Variants in COL24A1 observed in about 807,000 individuals in gnomAD.
COL24A1 encodes the protein collagen alpha-1(XXIV) chain.
COL24A1 carries 224 observed loss-of-function variants against 253.9 expected under a neutral mutation model. The ratio of observed to expected loss-of-function variants is 0.88; its 90% confidence interval spans 0.79 to 0.99. The LOEUF is 0.99. Ranked by LOEUF, COL24A1 falls within the 50% of genes least tolerant of loss-of-function variation. COL24A1 has a pLI of 0.00. For missense variants in COL24A1, 2,131 were observed against 2,068.5 expected (o/e 1.03, Z -0.59); for synonymous variants, 685 against 673.7 (o/e 1.02, Z -0.26).
At chr1:85,892,274 C>A (rs918177514) in intron 31 of COL24A1, among the ~76,000 whole-genome samples, 2 of 151,834 alleles carry the variant, frequency 1.3e-5, no homozygotes, top group African/African-American at 2.4e-5. Context: ...ATCAGAAATA[C>A]CAGCGGCCAA....
Position 85,735,505 on chromosome 1 carries a change from T to C in COL24A1, c.4783-541A>G, listed in dbSNP as rs917182216. Reference sequence around the variant, plus strand: ...TGTAACAATAATTTGGTTGAGTAATTTTAACTTTGAGAGCCTTAACGGACT... The same window carrying C: ...TGTAACAATAATTTGGTTGAGTAATCTTAACTTTGAGAGCCTTAACGGACT... On this transcript the variant is annotated intron_variant, in intron 58 of 59. Coordinates refer to ENST00000370571, the MANE Select transcript of COL24A1 (RefSeq NM_152890.7). 2.6e-5 allele frequency among the ~76,000 whole-genome samples: 4 copies of C among 152,180 alleles called. No homozygotes were observed. In the East Asian group the frequency reaches 7.7e-4, roughly 29 times the overall value.
chr1:86,043,614 G>A (rs144247103), intron 12 of COL24A1, among the ~76,000 whole-genome samples: 289 of 151,884 alleles, frequency 1.9e-3, no homozygotes, highest in African/African-American at 6.6e-3. Context: ...TGCAACCTCC[G>A]CCTCTTGGAT....
intron 32 of COL24A1, among the ~76,000 whole-genome samples, chr1:85,887,037 A>T (rs1025989606): frequency 1.3e-5 from 2 of 152,178 alleles, no homozygotes; most frequent in African/African-American, 4.8e-5. Flanking sequence ...AGTTAACTTG[A>T]GAATCCTGTT....
chr1:85,850,159 G>A (rs1462390899), intron 37 of COL24A1, among the ~76,000 whole-genome samples: 2 of 152,010 alleles, frequency 1.3e-5, no homozygotes, highest in Non-Finnish European at 2.9e-5. Flanking sequence ...TAAAAGTGGG[G>A]CACTATATGA....
chr1:85,807,604 G>T (rs1672114206), intron 47 of COL24A1, among the ~76,000 whole-genome samples: 1 of 152,112 alleles, frequency 6.6e-6, no homozygotes, highest in Non-Finnish European at 1.5e-5. Context: ...AAAATTGTAG[G>T]TCTTATAGAT....
intron 27 of COL24A1, 137 bp downstream of exon 27, chr1:85,908,461 A>C (rs1213743634): frequency 1.6e-5 from 8 of 495,426 alleles, no homozygotes; most frequent in African/African-American, 1.4e-4. Flanking sequence ...TGTTTTGTAT[A>C]GTTGGGAGAG....
intron 53 of COL24A1, among the ~76,000 whole-genome samples, chr1:85,770,623 T>G (rs1340408495): frequency 6.6e-6 from 1 of 152,202 alleles, no homozygotes. Flanking sequence ...CTTTTTACTA[T>G]CTATATGTAT....
At chr1:85,768,256 C>T (rs1301381624) in intron 53 of COL24A1, among the ~76,000 whole-genome samples, 1 of 152,048 alleles carries the variant, frequency 6.6e-6, no homozygotes, top group Non-Finnish European at 1.5e-5. Flanking sequence ...GGGGCCAGTT[C>T]ATGTAGGGCC....
At chr1:86,105,638 G>A (rs760456698) in intron 5 of COL24A1, among the ~76,000 whole-genome samples, 2 of 130,204 alleles carry the variant, frequency 1.5e-5, no homozygotes, top group African/African-American at 2.6e-5. Flanking sequence ...AGCCTAGGGG[G>A]ATTGGCATTC....
intron 55 of COL24A1, among the ~76,000 whole-genome samples, chr1:85,746,552 C>T (rs1358341015): frequency 1.3e-5 from 2 of 152,098 alleles, no homozygotes; most frequent in African/African-American, 2.4e-5. Flanking sequence ...GAGATACATG[C>T]TATGAAAGAA....
Position 86,054,519 on chromosome 1 carries a change from T to A in COL24A1, c.1851+3412A>T, listed in dbSNP as rs141091958. 5.0e-3 allele frequency among the ~76,000 whole-genome samples: 767 copies of A among 152,116 alleles called. 7 individuals carry two copies. The highest frequency in any genetic ancestry group is 0.018 in the African/African-American group (729 of 41,528). On this transcript the variant is annotated intron_variant, in intron 10 of 59. Transcript: ENST00000370571. ...TAGACACTTCTCAAAAGAAGACATA[T>A]AAGCGGCCCCAAAACATGAAAAAAT...
At chr1:85,811,254 T>C (rs1023660767) in intron 47 of COL24A1, among the ~76,000 whole-genome samples, 2 of 152,218 alleles carry the variant, frequency 1.3e-5, no homozygotes, top group African/African-American at 4.8e-5. Flanking sequence ...TTCTACTAAC[T>C]ATTATGCATA....
chr1:85,883,192 G>T (rs1348732196), intron 32 of COL24A1, among the ~76,000 whole-genome samples: 2 of 148,130 alleles, frequency 1.4e-5, no homozygotes, highest in African/African-American at 5.0e-5. Flanking sequence ...AATGTTTTTG[G>T]CTTCTCATTT....
At chr1:86,138,741 C>A (rs970640399) in intron 2 of COL24A1, among the ~76,000 whole-genome samples, 1 of 152,040 alleles carries the variant, frequency 6.6e-6, no homozygotes, top group South Asian at 2.1e-4. Flanking sequence ...TTAAGACATA[C>A]CCCTTACTTA....
chr1:86,096,720 C>T (rs1703915352), intron 5 of COL24A1, among the ~76,000 whole-genome samples: 1 of 152,128 alleles, frequency 6.6e-6, no homozygotes, highest in Admixed American at 6.5e-5. Flanking sequence ...ATCTATTCTG[C>T]ACCTGCCTAA....
At chr1:86,085,875 A>G (rs2101935344) in intron 7 of COL24A1, among the ~76,000 whole-genome samples, 1 of 152,322 alleles carries the variant, frequency 6.6e-6, no homozygotes, top group South Asian at 2.1e-4. Context: ...TAAAAGGGGA[A>G]AAAGAAAGAA....
chr1:86,055,546 G>A (rs1386056770), intron 10 of COL24A1, among the ~76,000 whole-genome samples: 6 of 152,088 alleles, frequency 3.9e-5, no homozygotes, highest in African/African-American at 4.8e-5. Flanking sequence ...ATGACAAAAC[G>A]CAGTAAGAGT....
intron 48 of COL24A1, among the ~76,000 whole-genome samples, chr1:85,785,174 A>T (rs901903064): frequency 2.0e-5 from 3 of 152,224 alleles, no homozygotes; most frequent in Non-Finnish European, 2.9e-5. Flanking sequence ...AATTCCATCA[A>T]TAAAAAATTT....
In COL24A1 at chr1:86,017,206, T is replaced by A. The variant is rs1697074056; in HGVS notation, c.2257-2A>T. 1.3e-6 allele frequency: 2 copies of A among 1,558,598 alleles called. No homozygotes were observed. The highest frequency in any genetic ancestry group is 1.7e-6 in the Non-Finnish European group (2 of 1,161,788). On this transcript the variant is annotated splice_acceptor_variant, in intron 18 of 59. Coordinates refer to ENST00000370571, the MANE Select transcript of COL24A1 (RefSeq NM_152890.7). LOFTEE classifies it high-confidence loss of function. Reference sequence around the variant, plus strand: ...GAGTCCTGGGTCACCTGTTTGGCCCTAAAATGGGGGGGGAGGATCAAAGTA... The same window carrying A: ...GAGTCCTGGGTCACCTGTTTGGCCCAAAAATGGGGGGGGAGGATCAAAGTA...
Sources: allele counts gnomAD v4.1 joint callset (sites outside exome capture counted in the v4.1 genomes callset), GRCh38; gene constraint gnomAD v4.1.1; transcripts MANE v1.5; gene names NCBI Gene and HGNC (gene_info 2026-07-23, HGNC 2026-07-21).